SLC25A13: variants seen among roughly 807,000 people sequenced by gnomAD.
The protein encoded by SLC25A13 is solute carrier family 25 member 13.
Under a neutral mutation model 85.5 loss-of-function variants are expected in SLC25A13, and 70 were observed. That is an observed-to-expected ratio of 0.82 (90% CI 0.68 to 1.00). SLC25A13 has a LOEUF of 1.00. SLC25A13 is among the 50% of genes least tolerant of loss of function. The pLI is 0.00. For missense variants in SLC25A13, 765 were observed against 819.8 expected, an observed-to-expected ratio of 0.93 and a Z score of 0.82; for synonymous variants, 259 against 288.7, an observed-to-expected ratio of 0.90 and a Z score of 1.04.
At chr7:96,243,741 A>G (rs1797079451) in intron 3 of SLC25A13, among the ~76,000 whole-genome samples, 1 of 152,070 alleles carries the variant, frequency 6.6e-6, no homozygotes, top group African/African-American at 2.4e-5. Flanking sequence ...ATGTGAGGAG[A>G]AACATCAGTG....
In SLC25A13 at chr7:96,319,768, A is replaced by G. The variant is rs1013318721; in HGVS notation, c.15+2174T>C. On this transcript the variant is annotated intron_variant, in intron 1 of 17. Transcript: ENST00000265631. ...AATTGATTTTTATATATCTTATTGGATTGCAAAATAAGTATATATGATGTG... is the reference window on the plus strand; with the variant it reads ...AATTGATTTTTATATATCTTATTGGGTTGCAAAATAAGTATATATGATGTG... Among the ~76,000 whole-genome samples the G allele has an allele frequency of 2.6e-5, 4 of 152,084 alleles. No individual in the cohort carries two copies. The East Asian group carries it at 7.7e-4, about 29-fold the overall frequency.
At chr7:96,185,607 T>A (rs1441754966) in intron 9 of SLC25A13, among the ~76,000 whole-genome samples, 1 of 116,710 alleles carries the variant, frequency 8.6e-6, no homozygotes, top group African/African-American at 3.4e-5. Context: ...AAAATAAAAA[T>A]AGGTCGGGTA....
At chr7:96,153,584 C>T (rs887686966) in intron 13 of SLC25A13, among the ~76,000 whole-genome samples, 4 of 152,104 alleles carry the variant, frequency 2.6e-5, no homozygotes, top group Non-Finnish European at 4.4e-5. Context: ...AGCACCACAG[C>T]GGGTTCTCTA....
intron 12 of SLC25A13, among the ~76,000 whole-genome samples, 182 bp downstream of exon 12, chr7:96,171,290 C>G (rs540941907): frequency 6.6e-6 from 1 of 152,302 alleles, no homozygotes; most frequent in East Asian, 1.9e-4. Context: ...TTTATTATCA[C>G]ATTTTTGGAT....
intron 14 of SLC25A13, among the ~76,000 whole-genome samples, chr7:96,140,898 T>C (rs903273122): frequency 1.3e-5 from 2 of 152,120 alleles, no homozygotes; most frequent in Non-Finnish European, 2.9e-5. Flanking sequence ...GCCATTGGTA[T>C]GTCCTCTTTG....
intron 4 of SLC25A13, among the ~76,000 whole-genome samples, chr7:96,221,805 T>G (rs1584474994): frequency 6.6e-6 from 1 of 152,316 alleles, no homozygotes; most frequent in East Asian, 1.9e-4. Context: ...CTACCCATTT[T>G]CCCAAAGCAC....
intron 5 of SLC25A13, among the ~76,000 whole-genome samples, chr7:96,205,756 C>A (rs1422092111): frequency 6.6e-6 from 1 of 152,064 alleles, no homozygotes; most frequent in Non-Finnish European, 1.5e-5. Context: ...CTTTTACAAC[C>A]AAAGCACAGA....
chr7:96,245,814 G>T (rs1383468343), intron 3 of SLC25A13, among the ~76,000 whole-genome samples: 4 of 152,146 alleles, frequency 2.6e-5, no homozygotes, highest in African/African-American at 9.7e-5. Context: ...AGGAAAAAAG[G>T]GAAAAGTAAT....
At chr7:96,205,710 G>A (rs924014402) in intron 5 of SLC25A13, among the ~76,000 whole-genome samples, 7 of 152,066 alleles carry the variant, frequency 4.6e-5, no homozygotes, top group African/African-American at 1.7e-4. Context: ...GTCAAGTTTA[G>A]CTCAAATAAT....
intron 8 of SLC25A13, 98 bp downstream of exon 8, chr7:96,189,483 G>A: frequency 2.0e-6 from 3 of 1,519,772 alleles, no homozygotes; most frequent in Non-Finnish European, 2.7e-6. Flanking sequence ...TTTCAGTATA[G>A]CCTTCAGTTT....
intron 4 of SLC25A13, among the ~76,000 whole-genome samples, chr7:96,214,122 G>A (rs779991895): frequency 6.6e-6 from 1 of 152,066 alleles, no homozygotes; most frequent in Non-Finnish European, 1.5e-5. Context: ...AAAGTCTGCC[G>A]CATTTGTTTA....
At chr7:96,184,611 T>A in intron 10 of SLC25A13, 176 bp from the exon 11 acceptor site, 4 of 675,894 alleles carry the variant, frequency 5.9e-6, no homozygotes, top group Non-Finnish European at 1.0e-5. Context: ...GGGTTTTCAT[T>A]CAAGTATCCC....
chr7:96,167,992 C>T (rs549868001), intron 13 of SLC25A13, among the ~76,000 whole-genome samples: 19 of 145,388 alleles, frequency 1.3e-4, no homozygotes, highest in South Asian at 6.8e-4. Context: ...CCCAGCTACT[C>T]GGGAGGCTGA....
At chr7:96,296,490 T>G (rs1453839685) in intron 2 of SLC25A13, among the ~76,000 whole-genome samples, 2 of 151,978 alleles carry the variant, frequency 1.3e-5, no homozygotes, top group African/African-American at 4.8e-5. Context: ...TTCTTTTTTT[T>G]TTTTTTTCTT....
At chr7:96,304,977 C>T (rs1179756973) in intron 1 of SLC25A13, among the ~76,000 whole-genome samples, 3 of 152,144 alleles carry the variant, frequency 2.0e-5, no homozygotes, top group African/African-American at 7.2e-5. Context: ...TCTTTGGAGC[C>T]GGATCACTTA....
chr7:96,177,674 G>C (rs1382970181), intron 11 of SLC25A13, among the ~76,000 whole-genome samples: 1 of 152,162 alleles, frequency 6.6e-6, no homozygotes, highest in Admixed American at 6.5e-5. Flanking sequence ...AGACAGTAAA[G>C]ACTACAGAAA....
chr7:96,190,750 T>A (rs1346543471), intron 7 of SLC25A13, among the ~76,000 whole-genome samples: 1 of 152,080 alleles, frequency 6.6e-6, no homozygotes, highest in Non-Finnish European at 1.5e-5. Flanking sequence ...GTAGCTGGGA[T>A]TACAGGTGCC....
chr7:96,124,503 CT>C (rs1361873592), intron 15 of SLC25A13, among the ~76,000 whole-genome samples: 1 of 152,142 alleles, frequency 6.6e-6, no homozygotes, highest in Non-Finnish European at 1.5e-5. Context: ...TGAATTTTAT[CT>C]TTTATAAAAT....
intron 15 of SLC25A13, 140 bp downstream of exon 15, chr7:96,131,603 G>T: frequency 9.6e-7 from 1 of 1,036,484 alleles, no homozygotes; most frequent in East Asian, 2.5e-5. Context: ...TTTTTTTTCA[G>T]TAGCTCTTCA....
Sources: allele counts gnomAD v4.1 joint callset (sites outside exome capture counted in the v4.1 genomes callset), GRCh38; gene constraint gnomAD v4.1.1; transcripts MANE v1.5; gene names NCBI Gene and HGNC (gene_info 2026-07-23, HGNC 2026-07-21).